Variants in BRD10 observed in about 807,000 individuals in gnomAD.
BRD10 encodes uncharacterized bromodomain-containing protein 10.
the BRD10 span, chr9:5,892,440 C>T: frequency 1.3e-6 from 2 of 1,595,188 alleles, no homozygotes; most frequent in Non-Finnish European, 1.7e-6. Flanking sequence ...CCACATGCTC[C>T]TTCTGTTAGG....
chr9:5,996,735 C>G, the BRD10 span, among the ~76,000 whole-genome samples: 16 of 152,262 alleles, frequency 1.1e-4, 1 homozygote, highest in South Asian at 3.1e-3. Flanking sequence ...TATTTACAGA[C>G]AAACAGTATT....
the BRD10 span, among the ~76,000 whole-genome samples, chr9:5,935,004 A>G: frequency 6.6e-6 from 1 of 152,286 alleles, no homozygotes; most frequent in Admixed American, 6.5e-5. Flanking sequence ...CCATACTAAC[A>G]TATTCCTGCA....
chr9:5,908,294 C>T, the BRD10 span, among the ~76,000 whole-genome samples: 14 of 152,270 alleles, frequency 9.2e-5, 1 homozygote, highest in African/African-American at 3.1e-4. Flanking sequence ...ACAATTACAA[C>T]GATCTCTGTG....
chr9:5,907,215 C>A, the BRD10 span: 1 of 318,096 alleles, frequency 3.1e-6, no homozygotes. Context: ...CAGATATTTT[C>A]TTAATTGTGT....
the BRD10 span, among the ~76,000 whole-genome samples, chr9:5,900,405 A>AT: frequency 6.6e-6 from 1 of 152,084 alleles, no homozygotes; most frequent in African/African-American, 2.4e-5. Flanking sequence ...TTATTTTGAG[A>AT]TTTTCATATA....
At chr9:5,986,588 T>C in the BRD10 span, among the ~76,000 whole-genome samples, 1 of 152,242 alleles carries the variant, frequency 6.6e-6, no homozygotes, top group South Asian at 2.1e-4. Flanking sequence ...ACCAACAGTG[T>C]AAAAGCCTTC....
At chr9:5,897,718 T>A in the BRD10 span, 1 of 1,357,724 alleles carries the variant, frequency 7.4e-7, no homozygotes, top group Non-Finnish European at 1.1e-6. Flanking sequence ...TTCTTTCCTC[T>A]GAATCTCTGG....
chr9:5,890,707 G>A, the BRD10 span: 1 of 152,130 alleles, frequency 6.6e-6, no homozygotes, highest in Non-Finnish European at 1.5e-5. Context: ...AGAGCACTGG[G>A]ACTGGGGAAA....
chr9:5,927,367 T>G, the BRD10 span, among the ~76,000 whole-genome samples: 1 of 152,174 alleles, frequency 6.6e-6, no homozygotes, highest in Non-Finnish European at 1.5e-5. Context: ...CCTGAATCCA[T>G]TTTTTGTCTA....
At chr9:5,990,355 T>C in the BRD10 span, among the ~76,000 whole-genome samples, 3 of 152,176 alleles carry the variant, frequency 2.0e-5, no homozygotes, top group East Asian at 1.9e-4. Flanking sequence ...CAATATTGCA[T>C]TGAAAAATAA....
At chr9:6,005,044 T>A in the BRD10 span, among the ~76,000 whole-genome samples, 1 of 152,202 alleles carries the variant, frequency 6.6e-6, no homozygotes, top group African/African-American at 2.4e-5. Flanking sequence ...ATGTCAGAAA[T>A]ACATTATTTT....
the BRD10 span, among the ~76,000 whole-genome samples, chr9:5,916,393 C>A: frequency 1.3e-5 from 2 of 151,988 alleles, no homozygotes; most frequent in African/African-American, 4.8e-5. Flanking sequence ...CTACTTTAAT[C>A]ATAAAACTAT....
chr9:5,913,113 AGGAG>A, the BRD10 span, among the ~76,000 whole-genome samples: 1 of 152,200 alleles, frequency 6.6e-6, no homozygotes, highest in Non-Finnish European at 1.5e-5. Context: ...GCATACTTTA[AGGAG>A]GGAACAAGAG....
chr9:5,997,090 G>C, the BRD10 span, among the ~76,000 whole-genome samples: 1 of 152,218 alleles, frequency 6.6e-6, no homozygotes, highest in South Asian at 2.1e-4. Flanking sequence ...GCACAAGGAA[G>C]AAAGGCAGGA....
the BRD10 span, among the ~76,000 whole-genome samples, chr9:5,883,091 T>C: frequency 8.5e-5 from 13 of 152,068 alleles, no homozygotes; most frequent in South Asian, 2.1e-4. Context: ...CACACCAACA[T>C]GGCACATGTA....
chr9:5,966,899 G>T, the BRD10 span, among the ~76,000 whole-genome samples: 2 of 152,292 alleles, frequency 1.3e-5, no homozygotes, highest in African/African-American at 2.4e-5. Context: ...CTGGATCAAT[G>T]TGGAGCATTT....
the BRD10 span, chr9:5,923,298 A>C: frequency 6.3e-7 from 1 of 1,592,474 alleles, no homozygotes; most frequent in South Asian, 1.1e-5. Context: ...ATTTCTGACA[A>C]CTTCATATCA....
At chr9:5,914,136 T>C in the BRD10 span, 6 of 427,168 alleles carry the variant, frequency 1.4e-5, no homozygotes, top group East Asian at 7.4e-5. Context: ...TTTTCCCAAG[T>C]GGTTCCTGCT....
chr9:5,886,531 G>A, the BRD10 span, among the ~76,000 whole-genome samples: 1 of 152,230 alleles, frequency 6.6e-6, no homozygotes, highest in East Asian at 1.9e-4. Context: ...GGGGCTTTCA[G>A]AGGTTTGAGA....
Sources: gnomAD v4.1 joint callset for allele counts (sites outside exome capture counted in the v4.1 genomes callset) on GRCh38, gnomAD v4.1.1 for gene constraint, MANE v1.5 for transcripts, NCBI Gene and HGNC (gene_info 2026-07-23, HGNC 2026-07-21) for gene names.